The following CSMD1 variants were observed in gnomAD, a reference collection of about 807,000 sequenced individuals.
The protein encoded by CSMD1 is CUB and sushi domain-containing protein 1.
In CSMD1, 213 loss-of-function variants were observed where a neutral mutation model predicts 417.5. That is an observed-to-expected ratio of 0.51 (90% CI 0.46 to 0.57). The LOEUF (loss-of-function observed/expected upper bound fraction) is 0.57. Ranked by LOEUF, CSMD1 falls within the 20% of genes least tolerant of loss-of-function variation. The pLI is 0.00. For synonymous variants in CSMD1, 2,862 were observed against 1,736.8 expected (o/e 1.65, Z -16.11); for missense variants, 6,923 against 4,529.7 (o/e 1.53, Z -15.17).
At chr8:4,364,937 C>T (rs1801980098) in intron 3 of CSMD1, among the ~76,000 whole-genome samples, 1 of 150,160 alleles carries the variant, frequency 6.7e-6, no homozygotes, top group African/African-American at 2.4e-5. Context: ...TAAATCAAAG[C>T]ACCCGACAAA....
intron 3 of CSMD1, among the ~76,000 whole-genome samples, chr8:4,366,630 T>C (rs987723379): frequency 1.4e-4 from 22 of 152,200 alleles, no homozygotes; most frequent in Admixed American, 1.3e-3. Flanking sequence ...TTTTGACTCA[T>C]GAGAGATGGT....
At chr8:3,840,247 A>C (rs921721994) in intron 5 of CSMD1, among the ~76,000 whole-genome samples, 1 of 152,194 alleles carries the variant, frequency 6.6e-6, no homozygotes, top group African/African-American at 2.4e-5. Context: ...GACAGCATAA[A>C]TTAGCCAAAT....
At chr8:4,063,680 T>G (rs913172496) in intron 3 of CSMD1, among the ~76,000 whole-genome samples, 6 of 152,192 alleles carry the variant, frequency 3.9e-5, no homozygotes, top group African/African-American at 1.4e-4. Flanking sequence ...CCAGGAAGGA[T>G]AAGCATGGAC....
At chr8:3,785,314 G>A (rs375220443) in intron 5 of CSMD1, among the ~76,000 whole-genome samples, 1 of 152,228 alleles carries the variant, frequency 6.6e-6, no homozygotes, top group Middle Eastern at 3.2e-3. Context: ...ACTTCAGGCT[G>A]CGGAAAATAA....
chr8:3,978,595 T>C lies in CSMD1; in HGVS notation c.818+19308A>G, dbSNP rs146786583. ...AGGGTCTAATGAATAGATTGAGGCATGTTGGGGGTAAATAATTGGAAGGAA... is the reference window on the plus strand; with the variant it reads ...AGGGTCTAATGAATAGATTGAGGCACGTTGGGGGTAAATAATTGGAAGGAA... On this transcript the variant is annotated intron_variant, in intron 5 of 69. Transcript: ENST00000635120. 5.0e-3 allele frequency among the ~76,000 whole-genome samples: 759 copies of C among 152,224 alleles called. 2 individuals carry two copies. Among genetic ancestry groups the C allele is most frequent in the African/African-American group, 0.016 (685 of 41,538 alleles).
At chr8:4,180,596 A>C (rs1039425941) in intron 3 of CSMD1, among the ~76,000 whole-genome samples, 3 of 149,144 alleles carry the variant, frequency 2.0e-5, no homozygotes, top group Non-Finnish European at 4.5e-5. Context: ...AAAAAAGAAA[A>C]AATAAAATAA....
chr8:3,609,517 G>C (rs957481411), intron 8 of CSMD1, among the ~76,000 whole-genome samples: 2 of 152,018 alleles, frequency 1.3e-5, no homozygotes, highest in African/African-American at 4.8e-5. Flanking sequence ...TATTTAGGTT[G>C]TCTACGGAAA....
At chr8:4,177,501 G>A (rs184987667) in intron 3 of CSMD1, among the ~76,000 whole-genome samples, 19 of 152,018 alleles carry the variant, frequency 1.2e-4, no homozygotes, top group East Asian at 5.8e-4. Context: ...ATTGACACCC[G>A]AACATCACAA....
At chr8:4,199,951 GA>G (rs1799555185) in intron 3 of CSMD1, among the ~76,000 whole-genome samples, 1 of 151,920 alleles carries the variant, frequency 6.6e-6, no homozygotes. Flanking sequence ...AACCAATGTA[GA>G]AAAAAAGACC....
chr8:4,230,905 A>T (rs1801684265), intron 3 of CSMD1, among the ~76,000 whole-genome samples: 1 of 152,244 alleles, frequency 6.6e-6, no homozygotes, highest in African/African-American at 2.4e-5. Context: ...ATTCAATATT[A>T]TATGCTGTGA....
chr8:4,052,220 C>G (rs191030452), intron 3 of CSMD1, among the ~76,000 whole-genome samples: 1 of 152,270 alleles, frequency 6.6e-6, no homozygotes, highest in Non-Finnish European at 1.5e-5. Flanking sequence ...CCACCGTGCC[C>G]ACCCAGTACT....
chr8:4,358,490 T>C (rs62479476), intron 3 of CSMD1, among the ~76,000 whole-genome samples: 203 of 152,226 alleles, frequency 1.3e-3, no homozygotes, highest in Non-Finnish European at 2.2e-3. Context: ...ACAAGGTGTA[T>C]GTCTCCTTTT....
rs1328049089 is a variant in CSMD1 at position 3,846,195 on chromosome 8, A to G, written c.819-92153T>C. Among the ~76,000 whole-genome samples, 3 of 152,222 alleles carry G rather than the reference A, an allele frequency of 2.0e-5. No individual in the cohort carries two copies. The South Asian group carries it at 6.2e-4, about 31-fold the overall frequency. ...ATAAGTGTATGTGCTAGGCTTTTAT[A>G]TAACACACTATACGTTTGTTGCCAC... On this transcript the variant is annotated intron_variant, in intron 5 of 69. Transcript: ENST00000635120.
intron 1 of CSMD1, among the ~76,000 whole-genome samples, chr8:4,850,966 C>T (rs1284603844): frequency 1.3e-5 from 2 of 149,152 alleles, no homozygotes; most frequent in Non-Finnish European, 3.0e-5. Flanking sequence ...TTAATATATA[C>T]ACTTTGAGTT....
intron 3 of CSMD1, among the ~76,000 whole-genome samples, chr8:4,352,644 C>T (rs904396080): frequency 6.6e-5 from 10 of 152,188 alleles, no homozygotes; most frequent in African/African-American, 2.4e-4. Flanking sequence ...AGCTTAACAG[C>T]ATACTATTTC....
chr8:4,130,941 A>G (rs756081595), intron 3 of CSMD1, among the ~76,000 whole-genome samples: 48 of 152,152 alleles, frequency 3.2e-4, no homozygotes, highest in Non-Finnish European at 5.0e-4. Context: ...TCTGAATATC[A>G]TATCTAATCT....
intron 3 of CSMD1, among the ~76,000 whole-genome samples, chr8:4,109,730 A>G (rs564567859): frequency 6.6e-6 from 1 of 152,242 alleles, no homozygotes; most frequent in South Asian, 2.1e-4. Flanking sequence ...TAAAACAACT[A>G]TGTCTTATTT....
In CSMD1 at chr8:4,075,610, A is replaced by C. The variant is rs180833704; in HGVS notation, c.416-43511T>G. Among the ~76,000 whole-genome samples the C allele has an allele frequency of 3.3e-5, 5 of 152,294 alleles. No individual in the cohort carries two copies. The East Asian group carries it at 5.8e-4, about 18-fold the overall frequency. On this transcript the variant is annotated intron_variant, in intron 3 of 69. Transcript: ENST00000635120. ...ATTCCTTGTTCTGCATAGCGGAGTT[A>C]ATCTATTATTGTAGTATAACTCACA...
intron 3 of CSMD1, among the ~76,000 whole-genome samples, chr8:4,366,248 G>A (rs1353323361): frequency 9.6e-6 from 1 of 104,218 alleles, no homozygotes; most frequent in Non-Finnish European, 1.8e-5. Flanking sequence ...TGCAAAAGAC[G>A]TGATTCTTTT....
Sources: gnomAD v4.1 joint callset for allele counts (sites outside exome capture counted in the v4.1 genomes callset) on GRCh38, gnomAD v4.1.1 for gene constraint, MANE v1.5 for transcripts, NCBI Gene and HGNC (gene_info 2026-07-23, HGNC 2026-07-21) for gene names.